TASP1: variants seen among roughly 807,000 people sequenced by gnomAD.
TASP1 encodes the protein taspase 1, also known as threonine aspartase 1.
Under a neutral mutation model 56.6 loss-of-function variants are expected in TASP1, and 16 were observed. The ratio of observed to expected loss-of-function variants is 0.28; its 90% CI spans 0.19 to 0.43. The LOEUF (loss-of-function observed/expected upper bound fraction) is 0.43, where lower values mean the gene tolerates loss of function less well. Among genes scored for constraint, TASP1 ranks in the 20% least tolerant of loss-of-function variants. The probability of loss-of-function intolerance (pLI) is 1.00; values close to 1 mark genes in which losing one functional copy is unlikely to be tolerated. For synonymous variants in TASP1, 179 were observed against 184.2 expected, an observed-to-expected ratio of 0.97 and a Z score of 0.23; for missense variants, 393 against 511.6, an observed-to-expected ratio of 0.77 and a Z score of 2.24.
At chr20:13,201,467 G>C in the TASP1 span, among the ~76,000 whole-genome samples, 1 of 151,920 alleles carries the variant, frequency 6.6e-6, no homozygotes, top group African/African-American at 2.4e-5. Flanking sequence ...TTTGCATTAT[G>C]CCTATCATAA....
At chr20:13,585,340 C>T (rs2047264093) in intron 5 of TASP1, among the ~76,000 whole-genome samples, 1 of 152,046 alleles carries the variant, frequency 6.6e-6, no homozygotes, top group African/African-American at 2.4e-5. Flanking sequence ...GAAAAGGTTG[C>T]TAACTTAAAC....
the TASP1 span, among the ~76,000 whole-genome samples, chr20:13,155,623 G>A: frequency 1.3e-5 from 2 of 152,044 alleles, no homozygotes; most frequent in African/African-American, 4.8e-5. Flanking sequence ...TCAGGAGATC[G>A]AAACCATCCT....
At chr20:13,225,143 G>A in the TASP1 span, among the ~76,000 whole-genome samples, 306 of 151,746 alleles carry the variant, frequency 2.0e-3, 7 homozygotes, top group East Asian at 0.04. Flanking sequence ...GTGAGCCACC[G>A]CGCCCGGCCC....
the TASP1 span, chr20:13,292,399 T>G: frequency 6.2e-7 from 1 of 1,606,238 alleles, no homozygotes; most frequent in Non-Finnish European, 8.5e-7. Context: ...TTAGGACAGC[T>G]GCCACCGAAG....
the TASP1 span, among the ~76,000 whole-genome samples, chr20:13,328,478 A>C: frequency 6.6e-6 from 1 of 152,288 alleles, no homozygotes; most frequent in South Asian, 2.1e-4. Context: ...CAAAATATAA[A>C]TCATTTTATT....
chr20:13,366,800 A>T, the TASP1 span, among the ~76,000 whole-genome samples: 1 of 152,180 alleles, frequency 6.6e-6, no homozygotes, highest in Non-Finnish European at 1.5e-5. Flanking sequence ...CATACCAAAA[A>T]GCATTTCCCC....
the TASP1 span, among the ~76,000 whole-genome samples, chr20:13,135,031 T>C: frequency 6.6e-6 from 1 of 152,190 alleles, no homozygotes; most frequent in African/African-American, 2.4e-5. Flanking sequence ...TCACATAACT[T>C]TTTGAAGTAT....
At chr20:13,489,533 G>T (rs1320905152) in intron 10 of TASP1, among the ~76,000 whole-genome samples, 1 of 151,812 alleles carries the variant, frequency 6.6e-6, no homozygotes, top group Admixed American at 6.6e-5. Context: ...AAAAAAAAGA[G>T]AAAAGAAAAG....
chr20:13,141,035 A>G, the TASP1 span, among the ~76,000 whole-genome samples: 1 of 152,196 alleles, frequency 6.6e-6, no homozygotes, highest in Non-Finnish European at 1.5e-5. Flanking sequence ...ACATATTTTT[A>G]CACTTGAGTT....
At chr20:13,576,437 T>C (rs2046931707) in intron 6 of TASP1, among the ~76,000 whole-genome samples, 7 of 152,004 alleles carry the variant, frequency 4.6e-5, no homozygotes, top group Admixed American at 4.6e-4. Context: ...CTAAAACAAA[T>C]GGATTTACCA....
intron 4 of TASP1, among the ~76,000 whole-genome samples, chr20:13,605,629 T>C (rs931519955): frequency 4.6e-5 from 7 of 152,000 alleles, no homozygotes; most frequent in Non-Finnish European, 8.8e-5. Context: ...CAGTAAGCTA[T>C]GATTGCACCA....
chr20:13,420,624 G>A (rs1265350442), intron 12 of TASP1, among the ~76,000 whole-genome samples: 1 of 152,202 alleles, frequency 6.6e-6, no homozygotes, highest in African/African-American at 2.4e-5. Context: ...CATGCATAAT[G>A]CAAGTTAATT....
chr20:13,279,648 G>T, the TASP1 span: 1 of 1,613,572 alleles, frequency 6.2e-7, no homozygotes, highest in South Asian at 1.1e-5. Context: ...CCATAGAGGT[G>T]GTCGACGGTC....
intron 8 of TASP1, among the ~76,000 whole-genome samples, chr20:13,554,140 TGA>T (rs1353772577): frequency 6.6e-6 from 1 of 152,178 alleles, no homozygotes; most frequent in Non-Finnish European, 1.5e-5. Flanking sequence ...ATCACATCCA[TGA>T]GGCAAAGGTA....
At chr20:13,362,695 T>A in the TASP1 span, among the ~76,000 whole-genome samples, 1 of 151,586 alleles carries the variant, frequency 6.6e-6, no homozygotes, top group Non-Finnish European at 1.5e-5. Flanking sequence ...CATGAAAGAA[T>A]ACATACTGCA....
intron 11 of TASP1, among the ~76,000 whole-genome samples, chr20:13,439,126 C>T (rs1270468872): frequency 3.9e-5 from 6 of 152,232 alleles, no homozygotes; most frequent in Admixed American, 1.3e-4. Flanking sequence ...GAACTAGAAA[C>T]ACCATTTGAC....
At chr20:13,359,276 G>A in the TASP1 span, among the ~76,000 whole-genome samples, 3 of 149,100 alleles carry the variant, frequency 2.0e-5, no homozygotes, top group African/African-American at 5.1e-5. Flanking sequence ...AGGAATGCCC[G>A]CAGGCCAGGA....
the TASP1 span, chr20:13,126,698 A>G: frequency 1.1e-5 from 17 of 1,613,968 alleles, no homozygotes; most frequent in Non-Finnish European, 1.4e-5. Context: ...TTATCATGGG[A>G]CTGGATGGGA....
intron 12 of TASP1, among the ~76,000 whole-genome samples, chr20:13,432,173 T>C (rs955537573): frequency 1.3e-5 from 2 of 152,142 alleles, no homozygotes; most frequent in Non-Finnish European, 2.9e-5. Flanking sequence ...TGTGCTAAAA[T>C]ACAATAAAAT....
Sources: allele counts gnomAD v4.1 joint callset (sites outside exome capture counted in the v4.1 genomes callset), GRCh38; gene constraint gnomAD v4.1.1; transcripts MANE v1.5; gene names NCBI Gene and HGNC (gene_info 2026-07-23, HGNC 2026-07-21).